SLC25A21: variants seen among roughly 807,000 people sequenced by gnomAD.
The protein encoded by SLC25A21 is mitochondrial 2-oxodicarboxylate carrier.
SLC25A21 carries 47 observed loss-of-function variants against 43.8 expected under a neutral mutation model. That is an observed-to-expected ratio of 1.07 (90% CI 0.85 to 1.37). SLC25A21 has a LOEUF of 1.37. SLC25A21 is among the 40% of genes most tolerant of loss of function. SLC25A21 has a pLI of 0.00. For missense variants in SLC25A21, 352 were observed against 350.2 expected (o/e 1.00, Z -0.04); for synonymous variants, 131 against 121.3 (o/e 1.08, Z -0.52).
chr14:36,819,423 A>G (rs571210530), intron 2 of SLC25A21, among the ~76,000 whole-genome samples: 1 of 152,298 alleles, frequency 6.6e-6, no homozygotes, highest in African/African-American at 2.4e-5. Context: ...TCATGACTGC[A>G]GCATTTCGCA....
At chr14:36,708,940 G>A (rs1218514255) in intron 7 of SLC25A21, among the ~76,000 whole-genome samples, 3 of 151,384 alleles carry the variant, frequency 2.0e-5, no homozygotes, top group African/African-American at 7.3e-5. Flanking sequence ...TTGATTAATT[G>A]TAGAATAAAG....
intron 1 of SLC25A21, among the ~76,000 whole-genome samples, chr14:36,915,729 C>T (rs922088928): frequency 1.3e-5 from 2 of 152,100 alleles, no homozygotes; most frequent in African/African-American, 4.8e-5. Context: ...TGCTGTGATC[C>T]ACCCCATCTC....
chr14:37,141,161 AT>A (rs1450139820), intron 1 of SLC25A21, among the ~76,000 whole-genome samples: 2 of 152,156 alleles, frequency 1.3e-5, no homozygotes, highest in Admixed American at 1.3e-4. Context: ...AGAAAAAAAA[AT>A]CTTAGGAACT....
At chr14:36,878,548 T>C (rs1293375491) in intron 1 of SLC25A21, among the ~76,000 whole-genome samples, 2 of 152,198 alleles carry the variant, frequency 1.3e-5, no homozygotes, top group African/African-American at 4.8e-5. Flanking sequence ...ACCATATAAA[T>C]AGAATCAGAT....
intron 2 of SLC25A21, among the ~76,000 whole-genome samples, chr14:36,854,479 T>C (rs1171780921): frequency 6.6e-6 from 1 of 152,188 alleles, no homozygotes; most frequent in Non-Finnish European, 1.5e-5. Flanking sequence ...CTTGAACTCT[T>C]CAAATTTCAG....
chr14:36,800,099 A>C (rs1414212443), intron 3 of SLC25A21, among the ~76,000 whole-genome samples: 2 of 152,158 alleles, frequency 1.3e-5, no homozygotes, highest in Admixed American at 1.3e-4. Context: ...TGCAGATCTC[A>C]AGTCTCTGGT....
chr14:36,953,651 A>C (rs901998424), intron 1 of SLC25A21, among the ~76,000 whole-genome samples: 2 of 152,224 alleles, frequency 1.3e-5, no homozygotes, highest in Non-Finnish European at 2.9e-5. Context: ...TCATTTTGGC[A>C]CAAAGTTTTT....
intron 1 of SLC25A21, among the ~76,000 whole-genome samples, chr14:36,917,111 G>C (rs1891851926): frequency 6.6e-6 from 1 of 152,190 alleles, no homozygotes; most frequent in African/African-American, 2.4e-5. Flanking sequence ...TCTCTACTAT[G>C]GCTCTTTCTG....
intron 1 of SLC25A21, among the ~76,000 whole-genome samples, chr14:36,893,463 A>G (rs1891143375): frequency 6.6e-6 from 1 of 152,146 alleles, no homozygotes; most frequent in Non-Finnish European, 1.5e-5. Flanking sequence ...AGATGAGTAG[A>G]TTGCAAAAAT....
At chr14:36,809,878 G>T (rs1043738000) in intron 3 of SLC25A21, among the ~76,000 whole-genome samples, 3 of 152,160 alleles carry the variant, frequency 2.0e-5, no homozygotes, top group African/African-American at 7.2e-5. Context: ...ACCTGAGTAG[G>T]AAAGACATCT....
intron 1 of SLC25A21, among the ~76,000 whole-genome samples, chr14:36,949,743 CTA>C (rs1892760934): frequency 1.3e-5 from 2 of 152,158 alleles, no homozygotes; most frequent in Admixed American, 6.5e-5. Flanking sequence ...TTCTAAAAGT[CTA>C]GAGTTGAATT....
In SLC25A21 at chr14:36,887,434, A is replaced by G. The variant is rs181021434; in HGVS notation, c.71-12430T>C. Among the ~76,000 whole-genome samples, 45 of 152,020 alleles carry G rather than the reference A, an allele frequency of 3.0e-4. 2 individuals carry two copies. In the East Asian group the frequency reaches 8.8e-3, roughly 30 times the overall value. The stretch of plus-strand genomic sequence containing the variant: ...AAAAGTTAGCTGGGCGTGGTGGTGC[A>G]CACCTGTAATCCTAGCTACTTGAGC... On this transcript the variant is annotated intron_variant, in intron 1 of 9. Transcript: ENST00000331299.
intron 1 of SLC25A21, among the ~76,000 whole-genome samples, chr14:37,018,541 A>G (rs1157102228): frequency 6.6e-6 from 1 of 151,986 alleles, no homozygotes; most frequent in Non-Finnish European, 1.5e-5. Flanking sequence ...CGTATTCCCT[A>G]TCTCCAATCC....
chr14:36,962,488 C>G (rs74243647), intron 1 of SLC25A21, among the ~76,000 whole-genome samples: 12,789 of 152,208 alleles, frequency 0.084, 628 homozygotes, highest in East Asian at 0.16. Context: ...TTTCCTCTCC[C>G]TGCCACCCCA....
intron 1 of SLC25A21, among the ~76,000 whole-genome samples, chr14:37,102,594 CAT>C (rs1158112780): frequency 6.6e-6 from 1 of 152,064 alleles, no homozygotes; most frequent in Non-Finnish European, 1.5e-5. Flanking sequence ...CTACCCAAAA[CAT>C]AGAAAAAGGA....
At chr14:36,695,786 A>G (rs1193751746) in intron 7 of SLC25A21, among the ~76,000 whole-genome samples, 1 of 152,202 alleles carries the variant, frequency 6.6e-6, no homozygotes, top group African/African-American at 2.4e-5. Flanking sequence ...GAATTTGCTT[A>G]TCAGTTTAAG....
At chr14:37,032,738 A>T (rs963645444) in intron 1 of SLC25A21, among the ~76,000 whole-genome samples, 14 of 151,898 alleles carry the variant, frequency 9.2e-5, no homozygotes, top group African/African-American at 3.4e-4. Flanking sequence ...TTATAATTTA[A>T]TTATAATTGT....
Position 36,759,918 on chromosome 14 carries a change from A to G in SLC25A21, c.204-25345T>C, listed in dbSNP as rs1444041858. On this transcript the variant is annotated intron_variant, in intron 3 of 9. Coordinates refer to ENST00000331299, the MANE Select transcript of SLC25A21 (RefSeq NM_030631.4). The stretch of plus-strand genomic sequence containing the variant: ...AGGAGGCGGAGATTGCAGTGAGCCG[A>G]GATCACGTCACTGCACTCCAGCCTG... Among the ~76,000 whole-genome samples, 3 of 152,306 alleles carry G rather than the reference A, an allele frequency of 2.0e-5. No individual in the cohort carries two copies. The East Asian group carries it at 5.8e-4, about 29-fold the overall frequency.
intron 1 of SLC25A21, among the ~76,000 whole-genome samples, chr14:37,097,408 T>C (rs965305817): frequency 6.6e-6 from 1 of 152,116 alleles, no homozygotes; most frequent in African/African-American, 2.4e-5. Flanking sequence ...CCAAATGTGT[T>C]TTCTTGCGTT....
Sources: gnomAD v4.1 joint callset for allele counts (sites outside exome capture counted in the v4.1 genomes callset) on GRCh38, gnomAD v4.1.1 for gene constraint, MANE v1.5 for transcripts, NCBI Gene and HGNC (gene_info 2026-07-23, HGNC 2026-07-21) for gene names.